The following RRBP1 variants were observed in gnomAD, a reference collection of about 807,000 sequenced individuals.
The protein encoded by RRBP1 is ribosome-binding protein 1.
Under a neutral mutation model 165.2 loss-of-function variants are expected in RRBP1, and 94 were observed. The observed-to-expected ratio is 0.57, with a 90% CI of 0.48 to 0.68. RRBP1 has a LOEUF of 0.68. Among genes scored for constraint, RRBP1 ranks in the 30% least tolerant of loss-of-function variants. The pLI is 0.00. For missense variants in RRBP1, 1,676 were observed against 1,763.0 expected (o/e 0.95, Z 0.88); for synonymous variants, 680 against 714.5 (o/e 0.95, Z 0.77).
chr20:17,671,929 T>G (rs2036987276), intron 2 of RRBP1, among the ~76,000 whole-genome samples: 1 of 152,220 alleles, frequency 6.6e-6, no homozygotes, highest in Admixed American at 6.5e-5. Context: ...AAACCCAGTG[T>G]TGTCGCCCCC....
rs538240039 is a variant in RRBP1 at position 17,665,036 on chromosome 20, C to A, written c.-21-4508G>T. ...TAGCCTACCACCCAGGTTTACCAAA[C>A]CCTAACATTTTGCCATATGCACTTT... is the stretch of plus-strand genomic sequence containing the variant. On this transcript the variant is annotated intron_variant, in intron 2 of 24. Transcript: ENST00000377813. Among the ~76,000 whole-genome samples, 27 of 152,160 alleles carry A rather than the reference C, an allele frequency of 1.8e-4. No homozygotes were observed. The South Asian group carries it at 5.6e-3, about 32-fold the overall frequency.
chr20:17,635,512 T>G, intron 7 of RRBP1, 34 bp downstream of exon 7: 4 of 1,497,978 alleles, frequency 2.7e-6, no homozygotes, highest in Non-Finnish European at 3.7e-6. Flanking sequence ...CCAGGGCCCT[T>G]GGGGAGGTGC....
intron 3 of RRBP1, among the ~76,000 whole-genome samples, chr20:17,651,912 G>T (rs1224126410): frequency 2.0e-5 from 3 of 152,196 alleles, no homozygotes; most frequent in African/African-American, 7.2e-5. Flanking sequence ...CTCCAGCCTG[G>T]GTCTGCAAAA....
intron 8 of RRBP1, among the ~76,000 whole-genome samples, chr20:17,632,851 G>A (rs573139273): frequency 3.3e-5 from 5 of 152,246 alleles, no homozygotes; most frequent in African/African-American, 1.2e-4. Context: ...CTGGGGACAG[G>A]GGGACAATCT....
At position 17,614,169 on chromosome 20, in the gene RRBP1, C is replaced by A; in HGVS notation, c.*13G>T. The A allele has an allele frequency of 6.2e-7, 1 of 1,613,736 alleles. No homozygotes were observed. The highest frequency in any genetic ancestry group is 8.5e-7 in the Non-Finnish European group (1 of 1,179,746). On this transcript the variant is annotated 3_prime_UTR_variant, in exon 25 of 25. Transcript: ENST00000377813. ...GTAAGTTGAACAGTAACTTCTTTTT[C>A]CAAAGAGGAAACTCAGACAGAGGTG...
At chr20:17,635,872 G>T (rs769240270) in intron 6 of RRBP1, among the ~76,000 whole-genome samples, 1 of 152,178 alleles carries the variant, frequency 6.6e-6, no homozygotes, top group African/African-American at 2.4e-5. Context: ...CACACCCAGC[G>T]ACACCTCTCT....
rs1229370489 is a variant in RRBP1, at chr20:17,635,655, G to A, written c.2347C>T (p.Leu783Phe). The A allele has an allele frequency of 1.9e-6, 3 of 1,613,286 alleles. No homozygotes were observed. The highest frequency in any genetic ancestry group is 2.2e-5 in the South Asian group (2 of 91,028). ...VQQLQGKIRTLQEQLENGPNT... is the reference protein window; with the variant it reads ...VQQLQGKIRTFQEQLENGPNT... ...GGGCCATTCTCCAGCTGCTCCTGAA[G>A]AGTCCGGATCTGGAAAGTCACGGGC... The change falls in exon 7 of 25, where the codon CTT becomes TTT. Residue 783 changes from leucine to phenylalanine, a missense_variant. Leu to Phe is a conservative substitution (Grantham distance 22). Transcript: ENST00000377813.
At chr20:17,655,428 C>A (rs2036629225) in intron 3 of RRBP1, among the ~76,000 whole-genome samples, 1 of 152,260 alleles carries the variant, frequency 6.6e-6, no homozygotes, top group Non-Finnish European at 1.5e-5. Flanking sequence ...CATTTAATGT[C>A]TCTGCCTTCC....
At chr20:17,665,952 T>C (rs889061071) in intron 2 of RRBP1, among the ~76,000 whole-genome samples, 3 of 152,188 alleles carry the variant, frequency 2.0e-5, no homozygotes, top group African/African-American at 7.2e-5. Context: ...ACTGGTCTTT[T>C]CCTTCCCCCA....
At chr20:17,617,103 G>A (rs2122239728) in intron 20 of RRBP1, among the ~76,000 whole-genome samples, 1 of 152,320 alleles carries the variant, frequency 6.6e-6, no homozygotes, top group East Asian at 1.9e-4. Flanking sequence ...CTGGGAGTGA[G>A]GTGACCCCTG....
intron 3 of RRBP1, among the ~76,000 whole-genome samples, chr20:17,645,081 T>C (rs1329417365): frequency 6.6e-6 from 1 of 152,136 alleles, no homozygotes. Flanking sequence ...CCTACAGAGG[T>C]TCCAGAGTGA....
chr20:17,658,754 T>C lies in RRBP1; in HGVS notation c.1754A>G (p.Asn585Ser), dbSNP rs200926756. 21 of 1,612,788 alleles carry C rather than the reference T, an allele frequency of 1.3e-5. 1 individual carries two copies. Among genetic ancestry groups the C allele is most frequent in the East Asian group, 6.7e-5 (3 of 44,874 alleles). The change falls in exon 3 of 25, where the codon AAC (asparagine) becomes AGC (serine). Residue 585 changes from asparagine to serine, a missense_variant. Asn to Ser is a conservative substitution (Grantham distance 46). Around this residue, in one of 5 missense-constraint regions of RRBP1, gnomAD observed 1,184 missense variants for 1,167.1 expected, o/e 1.01. Coordinates refer to ENST00000377813, the MANE Select transcript of RRBP1 (RefSeq NM_001365613.2). ...AGCTGCGTCTGCCTTTTTGCCTTGG[T>C]TGGGGGACCCTTCTGCCTTTTTGCC... ...SEGKKAEGSPNQGKKADAAAN... is the reference protein window; with the variant it reads ...SEGKKAEGSPSQGKKADAAAN...
intron 2 of RRBP1, among the ~76,000 whole-genome samples, chr20:17,669,999 T>G (rs913800396): frequency 5.4e-4 from 83 of 152,310 alleles, no homozygotes; most frequent in African/African-American, 1.9e-3. Context: ...AAGTATTCTG[T>G]TTTTCTCATA....
In RRBP1 at chr20:17,613,755, G is replaced by A. The variant is rs1568746845; in HGVS notation, c.*427C>T. The stretch of plus-strand genomic sequence containing the variant: ...TCAGTTCTGGTTGGCAACGTCTAGG[G>A]GTGAGGGGCTGTGGCCTCCAGTCGG... On this transcript the variant is annotated 3_prime_UTR_variant, in exon 25 of 25. Transcript: ENST00000377813. The A allele has an allele frequency of 5.5e-6, 1 of 183,246 alleles. No individual in the cohort carries two copies. The highest frequency in any genetic ancestry group is 5.9e-5 in the Admixed American group (1 of 17,052). 11.4% of individuals were successfully genotyped at this position (183,246 alleles called of 1,614,324 possible). A position where few individuals can be genotyped will look rare whatever the true frequency, so the allele number is the denominator to read the frequency against.
chr20:17,672,040 A>C (rs181299505), intron 2 of RRBP1, among the ~76,000 whole-genome samples: 29 of 152,308 alleles, frequency 1.9e-4, no homozygotes, highest in Middle Eastern at 3.4e-3. Flanking sequence ...GACTACTACC[A>C]ACTCTGGACC....
chr20:17,653,378 G>A (rs1348933900), intron 3 of RRBP1, among the ~76,000 whole-genome samples: 3 of 152,224 alleles, frequency 2.0e-5, no homozygotes, highest in Non-Finnish European at 2.9e-5. Context: ...TAGGGGTTGG[G>A]CCCCCCACCC....
Position 17,660,027 on chromosome 20 carries a change from G to T in RRBP1, c.481C>A (p.Gln161Lys), listed in dbSNP as rs2036730090. Residue 161 changes from glutamine to lysine, a missense_variant, in exon 3 of 25, where the codon CAG becomes AAG. Coordinates refer to ENST00000377813, the MANE Select transcript of RRBP1 (RefSeq NM_001365613.2). ...ATGGCAGCCTTCGAAGTGAGAACCT[G>T]GATGGAATTCACTACAGAGCTGACA... ...PAVSSVVNSI[Q>K]VLTSKAAILE... 2 of 1,613,164 alleles carry T rather than the reference G, an allele frequency of 1.2e-6. No homozygotes were observed. Among genetic ancestry groups the T allele is most frequent in the Admixed American group, 3.3e-5 (2 of 59,902 alleles).
intron 19 of RRBP1, chr20:17,619,370 C>T (rs891307820): frequency 1.5e-5 from 6 of 395,460 alleles, no homozygotes; most frequent in South Asian, 8.3e-5. Context: ...TAACCTAGAA[C>T]GTCAAACGCC....
At chr20:17,675,582 T>A (rs1568792501) in intron 2 of RRBP1, among the ~76,000 whole-genome samples, 1 of 152,020 alleles carries the variant, frequency 6.6e-6, no homozygotes, top group African/African-American at 2.4e-5. Context: ...AGGCTGACAC[T>A]CCACACAGGG....
Sources: gnomAD v4.1 joint callset for allele counts (sites outside exome capture counted in the v4.1 genomes callset) on GRCh38, gnomAD v4.1.1 for gene constraint, gnomAD v4.1.1 regional missense constraint, MANE v1.5 for transcripts, NCBI Gene and HGNC (gene_info 2026-07-23, HGNC 2026-07-21) for gene names.